The following FAM107A variants were observed in gnomAD, a reference collection of about 807,000 sequenced individuals.
The protein encoded by FAM107A is family with sequence similarity 107 member A.
In FAM107A, 19 loss-of-function variants were observed where a neutral mutation model predicts 13.7. The ratio of observed to expected loss-of-function variants is 1.38; its 90% CI spans 0.97 to 2.03. The LOEUF (loss-of-function observed/expected upper bound fraction) is 2.03. Among genes scored for constraint, FAM107A ranks in the 30% most tolerant of loss-of-function variants. The pLI is 0.00. For missense variants in FAM107A, 203 were observed against 184.4 expected, an observed-to-expected ratio of 1.10 and a Z score of -0.58; for synonymous variants, 82 against 74.5, an observed-to-expected ratio of 1.10 and a Z score of -0.52.
At chr3:58,599,270 A>G (rs1344753952) in intron 1 of FAM107A, among the ~76,000 whole-genome samples, 1 of 152,104 alleles carries the variant, frequency 6.6e-6, no homozygotes, top group Non-Finnish European at 1.5e-5. Context: ...AAATAATTCT[A>G]CTCCAAACAC....
intron 1 of FAM107A, among the ~76,000 whole-genome samples, chr3:58,625,187 C>T (rs1230973809): frequency 6.6e-6 from 1 of 152,166 alleles, no homozygotes; most frequent in African/African-American, 2.4e-5. Flanking sequence ...CCAAGGAGAC[C>T]CCAGAGAAAT....
In FAM107A at chr3:58,566,627, C is replaced by T; in HGVS notation, c.396G>A (p.Arg132=). The part of the protein sequence containing the change: ...PEFIKVRENL[R]RIATLTSEER... ...CTTCGCTGGTCAGTGTGGCAATTCT[C>T]CGCAGGTTTTCCCTGACTTTAATAA... The change falls in exon 4 of 4, where the codon CGG becomes CGA. Residue 132 remains arginine, a synonymous_variant. Coordinates refer to ENST00000360997, the MANE Select transcript of FAM107A (RefSeq NM_001076778.3). The T allele has an allele frequency of 1.2e-6, 2 of 1,614,032 alleles. No homozygotes were observed. Among genetic ancestry groups the T allele is most frequent in the South Asian group, 1.1e-5 (1 of 91,084 alleles).
In FAM107A at chr3:58,619,139, T is replaced by C. The variant is rs1280302750; in HGVS notation, c.-70+8277A>G. Among the ~76,000 whole-genome samples, 4 of 152,138 alleles carry C rather than the reference T, an allele frequency of 2.6e-5. No homozygotes were observed. In the East Asian group the frequency reaches 7.7e-4, roughly 29 times the overall value. ...CTTCAGCCTCCTGAGTAGCTGGGAC[T>C]ACATGTGCACCACCATGCCCAGCTA... is the stretch of plus-strand genomic sequence containing the variant. On this transcript the variant is annotated intron_variant, in intron 1 of 3. Coordinates refer to the FAM107A transcript ENST00000465970.
intron 1 of FAM107A, among the ~76,000 whole-genome samples, chr3:58,610,295 C>T (rs2065840984): frequency 6.6e-6 from 1 of 152,208 alleles, no homozygotes; most frequent in African/African-American, 2.4e-5. Flanking sequence ...TCTCCCAAGG[C>T]CACACGGCTG....
At chr3:58,572,417 G>T (rs778907888) in intron 1 of FAM107A, among the ~76,000 whole-genome samples, 7 of 152,158 alleles carry the variant, frequency 4.6e-5, no homozygotes, top group Non-Finnish European at 1.0e-4. Flanking sequence ...CTGAGGAGGC[G>T]ACATTAAGAT....
chr3:58,596,780 T>A (rs1215942401), intron 1 of FAM107A, among the ~76,000 whole-genome samples: 1 of 152,164 alleles, frequency 6.6e-6, no homozygotes, highest in Non-Finnish European at 1.5e-5. Flanking sequence ...GATCAAGATA[T>A]AAAACAAGAT....
Position 58,577,249 on chromosome 3 carries a change from ACCT to A in FAM107A, c.-6+57_-6+59del. 2.2e-6 allele frequency: 2 copies of A among 894,132 alleles called. No homozygotes were observed. Among genetic ancestry groups the A allele is most frequent in the Non-Finnish European group, 2.7e-6 (2 of 746,972 alleles). The allele number at this position is 894,132 out of a possible 1,614,324, so 55.4% of individuals were successfully genotyped here. A position where few individuals can be genotyped will look rare whatever the true frequency, so the allele number is the denominator to read the frequency against. The stretch of plus-strand genomic sequence containing the variant: ...ACCGGGTCTGCCCTCCTTCCCTTCC[ACCT>A]CCTCCCGAACGGCACCGCTCTCAAC... On this transcript the variant is annotated intron_variant, in intron 1 of 3. Transcript: ENST00000360997. This position sits in a 1 kb window ranked among gnomAD's most constrained non-coding sequence, Gnocchi z 4.9.
chr3:58,589,309 G>A (rs1437689253), upstream of FAM107A: 1 of 1,379,208 alleles, frequency 7.3e-7, no homozygotes, highest in Non-Finnish European at 1.0e-6. Flanking sequence ...GAGGACCCTT[G>A]GTTCTTTGGC....
Position 58,567,370 on chromosome 3 carries a change from G to GA in FAM107A, c.171-7_171-6insT. 6.2e-7 allele frequency: 1 copy of GA among 1,607,896 alleles called. No individual in the cohort carries two copies. Among genetic ancestry groups the GA allele is most frequent in the Non-Finnish European group, 8.5e-7 (1 of 1,177,664 alleles). On this transcript the variant is annotated splice_region_variant and splice_polypyrimidine_tract_variant and intron_variant, in intron 2 of 3. Transcript: ENST00000360997. ...TGCTGTCCACACCAAGGCCCCTGGG[G>GA]TGGGAAGTGGGGAGCTGTCAGGAGA... is the stretch of plus-strand genomic sequence containing the variant.
At chr3:58,624,417 T>C (rs2065989828) in intron 1 of FAM107A, among the ~76,000 whole-genome samples, 1 of 152,252 alleles carries the variant, frequency 6.6e-6, no homozygotes, top group East Asian at 1.9e-4. Flanking sequence ...TTTTGACTCC[T>C]GGCCCAGTGG....
chr3:58,615,727 C>A (rs1321431148), intron 1 of FAM107A, among the ~76,000 whole-genome samples: 2 of 151,816 alleles, frequency 1.3e-5, no homozygotes, highest in Non-Finnish European at 2.9e-5. Flanking sequence ...GAGACACTGT[C>A]TCTACAAAAA....
At chr3:58,598,386 A>G (rs2065724779) in intron 1 of FAM107A, among the ~76,000 whole-genome samples, 1 of 152,170 alleles carries the variant, frequency 6.6e-6, no homozygotes, top group Non-Finnish European at 1.5e-5. Context: ...AGGCCTCTAC[A>G]GTTCTGGTCT....
intron 1 of FAM107A, among the ~76,000 whole-genome samples, chr3:58,585,443 G>C (rs1211192973): frequency 6.6e-6 from 1 of 152,246 alleles, no homozygotes; most frequent in East Asian, 1.9e-4. Flanking sequence ...TTTGGGACTT[G>C]GAGAACTGTG....
At chr3:58,580,581 A>AT (rs565276723), upstream of FAM107A, among the ~76,000 whole-genome samples, 11 of 151,858 alleles carry the variant, frequency 7.2e-5, no homozygotes, top group Admixed American at 2.0e-4. Context: ...CACCCAGCTA[A>AT]TTTTTTATTT....
chr3:58,580,798 TCTC>T (rs1037234866), upstream of FAM107A, among the ~76,000 whole-genome samples: 1 of 151,920 alleles, frequency 6.6e-6, no homozygotes, highest in Non-Finnish European at 1.5e-5. Flanking sequence ...TACAGGCCCT[TCTC>T]CTTTGTCACT....
intron 1 of FAM107A, among the ~76,000 whole-genome samples, chr3:58,623,882 T>C (rs1429816805): frequency 6.6e-6 from 1 of 152,222 alleles, no homozygotes; most frequent in Non-Finnish European, 1.5e-5. Flanking sequence ...ACATTTTCCA[T>C]TTAGCAGCCC....
chr3:58,600,785 A>C (rs1311128241), intron 1 of FAM107A, among the ~76,000 whole-genome samples: 1 of 152,142 alleles, frequency 6.6e-6, no homozygotes, highest in Non-Finnish European at 1.5e-5. Context: ...CAGGGGGAGA[A>C]ATGCCACAGG....
At chr3:58,598,446 C>T (rs2108069399) in intron 1 of FAM107A, among the ~76,000 whole-genome samples, 1 of 152,254 alleles carries the variant, frequency 6.6e-6, no homozygotes, top group East Asian at 1.9e-4. Flanking sequence ...GTCTCAGAGA[C>T]CCAGAAAACT....
upstream of FAM107A, among the ~76,000 whole-genome samples, chr3:58,591,424 G>T (rs2065653727): frequency 6.6e-6 from 1 of 152,144 alleles, no homozygotes; most frequent in Non-Finnish European, 1.5e-5. This position sits in a 1 kb window ranked among gnomAD's most constrained non-coding sequence, Gnocchi z 4.3. Context: ...GCAGCAAGGA[G>T]GTCAGGGTGG....
Sources: gnomAD v4.1 joint callset for allele counts (sites outside exome capture counted in the v4.1 genomes callset) on GRCh38, gnomAD v4.1.1 for gene constraint, Gnocchi (gnomAD v3.1) non-coding constraint, MANE v1.5 for transcripts, NCBI Gene and HGNC (gene_info 2026-07-23, HGNC 2026-07-21) for gene names.